The following OPHN1 variants were observed in gnomAD, a reference collection of about 807,000 sequenced individuals.
OPHN1 encodes the protein oligophrenin 1, also known as oligophrenin-1.
In OPHN1, 11 loss-of-function variants were observed where a neutral mutation model predicts 60.7. The observed-to-expected ratio is 0.18, with a 90% CI of 0.11 to 0.30. The LOEUF is 0.30. OPHN1 is among the 10% of genes least tolerant of loss of function. The pLI, the probability that OPHN1 is intolerant of heterozygous loss-of-function variation, is 1.00. For missense variants in OPHN1, 449 were observed against 611.0 expected (o/e 0.73, Z 2.80); for synonymous variants, 226 against 222.6 (o/e 1.02, Z -0.14).
intron 2 of OPHN1, among the ~76,000 whole-genome samples, chrX:68,316,942 A>T (rs944792018): frequency 3.6e-5 from 4 of 111,414 alleles, no homozygotes; most frequent in African/African-American, 1.3e-4. Context: ...CCAACCTCAA[A>T]AAAAGTTTTT....
chrX:68,156,306 A>T (rs1236621439), intron 15 of OPHN1, among the ~76,000 whole-genome samples: 1 of 107,329 alleles, frequency 9.3e-6, no homozygotes, highest in Non-Finnish European at 1.9e-5. Flanking sequence ...GGAAGAGGTA[A>T]AAAAAAAAAA....
intron 5 of OPHN1, among the ~76,000 whole-genome samples, chrX:68,249,892 A>T (rs1289129798): frequency 1.8e-5 from 2 of 112,251 alleles, no homozygotes; most frequent in Non-Finnish European, 3.8e-5. Flanking sequence ...AGGTTTCCTA[A>T]ATTCTTGCTG....
chrX:68,240,887 C>G (rs933612133), intron 5 of OPHN1, among the ~76,000 whole-genome samples: 1 of 111,878 alleles, frequency 8.9e-6, no homozygotes, highest in Non-Finnish European at 1.9e-5. Context: ...AACTTCCTTT[C>G]TACATAATGA....
chrX:68,399,893 T>C (rs1404965436), intron 2 of OPHN1, among the ~76,000 whole-genome samples: 1 of 107,462 alleles, frequency 9.3e-6, no homozygotes, highest in Non-Finnish European at 1.9e-5. Context: ...TGGCACTATC[T>C]TGGCTCAATG....
rs61694272 is a variant in OPHN1 at position 68,367,356 on chromosome X, G to GAA, written c.154+65509_154+65510dup. On this transcript the variant is annotated intron_variant, in intron 2 of 24. Transcript: ENST00000355520. Reference sequence around the variant, plus strand: ...GCAACAGAGCAAGACTCTGTCTCGGGAAAAAAAAAAAAAAAACACAAGCAG... The same window carrying GAA: ...GCAACAGAGCAAGACTCTGTCTCGGGAAAAAAAAAAAAAAAAAACACAAGCAG... Among the ~76,000 whole-genome samples, 109 of 74,975 alleles carry GAA rather than the reference G, an allele frequency of 1.5e-3. 1 individual carries two copies. In the East Asian group the frequency reaches 0.019, roughly 13 times the overall value. The allele number at this position is 74,975 out of a possible 115,157, so 65.1% of individuals were successfully genotyped here. A position where few individuals can be genotyped will look rare whatever the true frequency, so the allele number is the denominator to read the frequency against.
chrX:68,195,387 T>C (rs2077508845), intron 12 of OPHN1, among the ~76,000 whole-genome samples: 1 of 112,264 alleles, frequency 8.9e-6, no homozygotes, highest in Non-Finnish European at 1.9e-5. Context: ...TCTTGGAGTA[T>C]GTGCTGTGAT....
At chrX:68,346,737 G>A (rs745998206) in intron 2 of OPHN1, among the ~76,000 whole-genome samples, 3 of 112,010 alleles carry the variant, frequency 2.7e-5, no homozygotes, top group Middle Eastern at 4.6e-3. Flanking sequence ...TTAATCCCAG[G>A]ACAGACCTCT....
At chrX:68,268,358 C>A (rs1251381320) in intron 5 of OPHN1, among the ~76,000 whole-genome samples, 1 of 111,571 alleles carries the variant, frequency 9.0e-6, no homozygotes, top group Non-Finnish European at 1.9e-5. Context: ...ACTGGCAAAC[C>A]GAATCCAGCA....
intron 15 of OPHN1, among the ~76,000 whole-genome samples, chrX:68,175,935 A>G (rs894555866): frequency 1.8e-5 from 2 of 112,064 alleles, no homozygotes; most frequent in Non-Finnish European, 3.8e-5. Flanking sequence ...ATGGTGCAAT[A>G]ATTTTCAACA....
Position 68,268,915 on chromosome X carries a change from G to A in OPHN1, c.384+5823C>T, listed in dbSNP as rs1313728265. On this transcript the variant is annotated intron_variant, in intron 5 of 24. Transcript: ENST00000355520. ...AAGTCTCAGGATACAAAATCAATGT[G>A]CAAAAATCATAAGCATTCTTATGCA... Among the ~76,000 whole-genome samples the A allele has an allele frequency of 8.4e-4, 94 of 111,504 alleles. 1 individual carries two copies. Among genetic ancestry groups the A allele is most frequent in the Non-Finnish European group, 2.4e-4 (13 of 53,082 alleles).
rs751311327 is a variant in OPHN1 at position 68,193,996 on chromosome X, TG to T, written c.1139-45del. ...AAGAGTTAGATCCTGCTGCAACAGGTGTCACCTATTAAACATTTAATGACCA... is the reference window on the plus strand; with the variant it reads ...AAGAGTTAGATCCTGCTGCAACAGGTTCACCTATTAAACATTTAATGACCA... On this transcript the variant is annotated intron_variant, in intron 13 of 24. Coordinates refer to ENST00000355520, the MANE Select transcript of OPHN1 (RefSeq NM_002547.3). 16 of 1,059,022 alleles carry T rather than the reference TG, an allele frequency of 1.5e-5. No homozygotes were observed. In the Middle Eastern group the frequency reaches 1.7e-3, roughly 115 times the overall value. The allele number at this position is 1,059,022 out of a possible 1,213,427, so 87.3% of individuals were successfully genotyped here.
chrX:68,354,452 CAAAAAAAA>C (rs1172935913), intron 2 of OPHN1, among the ~76,000 whole-genome samples: 5 of 24,843 alleles, frequency 2.0e-4, no homozygotes, highest in South Asian at 2.0e-3. Context: ...GACTCCATCT[CAAAAAAAA>C]AAAAAAAAAA....
chrX:68,192,300 A>C (rs2077491907), intron 15 of OPHN1, among the ~76,000 whole-genome samples: 1 of 110,548 alleles, frequency 9.0e-6, no homozygotes, highest in Non-Finnish European at 1.9e-5. Flanking sequence ...GAAGTTCAAG[A>C]CCAGCCTAGG....
intron 5 of OPHN1, among the ~76,000 whole-genome samples, chrX:68,246,807 C>G (rs2147541107): frequency 9.0e-6 from 1 of 110,822 alleles, no homozygotes; most frequent in African/African-American, 3.3e-5. Flanking sequence ...GATATTTGAC[C>G]CCCATTTAAT....
chrX:68,169,275 A>C (rs926805636), intron 15 of OPHN1, among the ~76,000 whole-genome samples: 3 of 111,333 alleles, frequency 2.7e-5, no homozygotes, highest in Admixed American at 1.9e-4. Context: ...TCAATGAAAT[A>C]AAATAGGATA....
intron 2 of OPHN1, among the ~76,000 whole-genome samples, chrX:68,416,660 A>G (rs1265961391): frequency 8.9e-6 from 1 of 111,925 alleles, no homozygotes; most frequent in East Asian, 2.8e-4. Context: ...CTGCATTCCA[A>G]GCTTTCATTA....
chrX:68,139,276 AATG>A (rs1300581600), intron 15 of OPHN1, among the ~76,000 whole-genome samples: 4 of 112,011 alleles, frequency 3.6e-5, no homozygotes. Flanking sequence ...TTTTAAATGC[AATG>A]ATATTAAGGA....
At chrX:68,224,030 G>C (rs933869781) in intron 6 of OPHN1, among the ~76,000 whole-genome samples, 1 of 111,440 alleles carries the variant, frequency 9.0e-6, no homozygotes, top group Non-Finnish European at 1.9e-5. Flanking sequence ...TCCTCTAATA[G>C]TAATGGACAG....
At chrX:68,095,489 C>T in intron 19 of OPHN1, among the ~76,000 whole-genome samples, 2 of 112,390 alleles carry the variant, frequency 1.8e-5, no homozygotes, top group Non-Finnish European at 3.8e-5. Flanking sequence ...TTTAGATTCA[C>T]ATAGTCAACT....
Sources: gnomAD v4.1 joint callset for allele counts (sites outside exome capture counted in the v4.1 genomes callset) on GRCh38, gnomAD v4.1.1 for gene constraint, MANE v1.5 for transcripts, NCBI Gene and HGNC (gene_info 2026-07-23, HGNC 2026-07-21) for gene names.